The following NTNG1 variants were observed in gnomAD, a reference collection of about 807,000 sequenced individuals.
NTNG1 encodes netrin G1.
NTNG1 carries 16 observed loss-of-function variants against 54.0 expected under a neutral mutation model. The ratio of observed to expected loss-of-function variants is 0.30; its 90% CI spans 0.20 to 0.45. The LOEUF is 0.45. Among genes scored for constraint, NTNG1 ranks in the 20% least tolerant of loss-of-function variants. The pLI, the probability that NTNG1 is intolerant of heterozygous loss-of-function variation, is 1.00. For missense variants in NTNG1, 530 were observed against 678.7 expected, an observed-to-expected ratio of 0.78 and a Z score of 2.43; for synonymous variants, 255 against 263.1, an observed-to-expected ratio of 0.97 and a Z score of 0.30.
At chr1:107,218,070 C>T (rs779428639) in intron 2 of NTNG1, among the ~76,000 whole-genome samples, 1 of 152,040 alleles carries the variant, frequency 6.6e-6, no homozygotes, top group Non-Finnish European at 1.5e-5. Context: ...TATTGTGTTG[C>T]TGTCTGTCTC....
intron 7 of NTNG1, among the ~76,000 whole-genome samples, chr1:107,444,533 C>G (rs934036857): frequency 6.6e-6 from 1 of 152,164 alleles, no homozygotes; most frequent in Non-Finnish European, 1.5e-5. Context: ...CACCCACTGG[C>G]ATTCTGAGGC....
rs1570998291 is a variant in NTNG1, at chr1:107,455,489, C to T, written c.1390+18690C>T. The T allele has an allele frequency of 2.3e-5, 9 of 385,358 alleles. No individual in the cohort carries two copies. In the East Asian group the frequency reaches 3.0e-4, roughly 13 times the overall value. 23.9% of individuals were successfully genotyped at this position (385,358 alleles called of 1,614,324 possible). A position where few individuals can be genotyped will look rare whatever the true frequency, so the allele number is the denominator to read the frequency against. Reference sequence around the variant, plus strand: ...GAAGCAGGAAGGTGCCCATCTTTTCCAAAGCAGCAGGCTTGTTCTTCTTCA... The same window carrying T: ...GAAGCAGGAAGGTGCCCATCTTTTCTAAAGCAGCAGGCTTGTTCTTCTTCA... On this transcript the variant is annotated intron_variant, in intron 7 of 7. Coordinates refer to ENST00000370068, the MANE Select transcript of NTNG1 (RefSeq NM_001113226.3).
chr1:107,280,755 A>AAACCTG (rs1263355351), intron 2 of NTNG1, among the ~76,000 whole-genome samples: 226 of 152,206 alleles, frequency 1.5e-3, no homozygotes, highest in African/African-American at 5.3e-3. Flanking sequence ...AAGCCTCAGG[A>AAACCTG]CCACAAATGC....
At chr1:107,251,999 T>A (rs1198851377) in intron 2 of NTNG1, among the ~76,000 whole-genome samples, 1 of 151,686 alleles carries the variant, frequency 6.6e-6, no homozygotes, top group African/African-American at 2.4e-5. Context: ...TTTACTTCTA[T>A]CCACTTACTA....
intron 3 of NTNG1, among the ~76,000 whole-genome samples, chr1:107,340,890 A>G (rs766596824): frequency 2.6e-5 from 4 of 152,060 alleles, no homozygotes; most frequent in Non-Finnish European, 5.9e-5. Flanking sequence ...CACATTTGCA[A>G]GTTATTTTCA....
intron 3 of NTNG1, among the ~76,000 whole-genome samples, chr1:107,348,711 T>C (rs970306518): frequency 1.3e-5 from 2 of 152,192 alleles, no homozygotes; most frequent in African/African-American, 4.8e-5. Flanking sequence ...GAAAATTTCA[T>C]ATCCAAGTTG....
rs142577947 is a variant in NTNG1 at position 107,361,771 on chromosome 1, C to A, written c.888-33383C>A. On this transcript the variant is annotated intron_variant, in intron 3 of 7. Transcript: ENST00000370068. ...GTCATTTTTGACACTCGGGAAATGA[C>A]TTCTTTATGGAAGAAATGATAAACT... Among the ~76,000 whole-genome samples, 1,047 of 152,234 alleles carry A rather than the reference C, an allele frequency of 6.9e-3. 26 individuals carry two copies. Among genetic ancestry groups the A allele is most frequent in the Admixed American group, 0.049 (744 of 15,276 alleles).
chr1:107,451,613 G>A (rs1676633313), intron 7 of NTNG1, among the ~76,000 whole-genome samples: 1 of 152,112 alleles, frequency 6.6e-6, no homozygotes, highest in African/African-American at 2.4e-5. Context: ...GTTTTGACAT[G>A]AATGTATTAG....
chr1:107,464,812 A>G (rs1677499662), intron 7 of NTNG1, among the ~76,000 whole-genome samples: 1 of 152,182 alleles, frequency 6.6e-6, no homozygotes, highest in Admixed American at 6.5e-5. Flanking sequence ...CTGATACAAG[A>G]AGCTAAATCC....
At chr1:107,229,854 T>C (rs983638893) in intron 2 of NTNG1, among the ~76,000 whole-genome samples, 10 of 152,188 alleles carry the variant, frequency 6.6e-5, no homozygotes, top group African/African-American at 2.2e-4. Flanking sequence ...GAGAGACAGC[T>C]GGAAGAAAAT....
At chr1:107,336,443 C>T (rs1284541499) in intron 3 of NTNG1, among the ~76,000 whole-genome samples, 1 of 151,592 alleles carries the variant, frequency 6.6e-6, no homozygotes, top group Non-Finnish European at 1.5e-5. Flanking sequence ...GAAGTTGGAC[C>T]CTTACCTTAC....
chr1:107,191,016 T>G (rs1324452086), intron 2 of NTNG1, among the ~76,000 whole-genome samples: 1 of 152,220 alleles, frequency 6.6e-6, no homozygotes, highest in Non-Finnish European at 1.5e-5. Context: ...ACTTCCACAA[T>G]GGTTGAACTA....
intron 3 of NTNG1, among the ~76,000 whole-genome samples, chr1:107,381,109 C>T (rs1671617910): frequency 6.6e-6 from 1 of 151,868 alleles, no homozygotes; most frequent in African/African-American, 2.4e-5. Context: ...CAGATAGGAC[C>T]TAAAACTTAT....
chr1:107,155,513 A>G (rs780505369), intron 2 of NTNG1, among the ~76,000 whole-genome samples: 1 of 152,000 alleles, frequency 6.6e-6, no homozygotes, highest in Admixed American at 6.6e-5. Flanking sequence ...TGTGTACTCA[A>G]CTGTACTCCA....
chr1:107,338,192 A>G (rs1294527283), intron 3 of NTNG1, among the ~76,000 whole-genome samples: 2 of 152,030 alleles, frequency 1.3e-5, no homozygotes, highest in Non-Finnish European at 2.9e-5. Flanking sequence ...TTCATGAAAC[A>G]TGAGGGTTGT....
At chr1:107,385,477 T>G (rs944088350) in intron 3 of NTNG1, among the ~76,000 whole-genome samples, 8 of 152,084 alleles carry the variant, frequency 5.3e-5, no homozygotes, top group African/African-American at 1.4e-4. Context: ...CCATGCCTGC[T>G]AATACCCCAT....
chr1:107,243,479 A>G (rs552664814), intron 2 of NTNG1, among the ~76,000 whole-genome samples: 51 of 152,242 alleles, frequency 3.3e-4, no homozygotes, highest in Non-Finnish European at 6.2e-4. Context: ...TGTTCATTCA[A>G]TATTTTGATG....
At chr1:107,271,567 T>A (rs558933045) in intron 2 of NTNG1, among the ~76,000 whole-genome samples, 1 of 152,282 alleles carries the variant, frequency 6.6e-6, no homozygotes, top group Non-Finnish European at 1.5e-5. Context: ...AGAATAAGAA[T>A]CCAAAATAGC....
chr1:107,448,785 G>A (rs931461739), intron 7 of NTNG1, among the ~76,000 whole-genome samples: 10 of 151,882 alleles, frequency 6.6e-5, no homozygotes, highest in African/African-American at 1.7e-4. Flanking sequence ...TGTATTCTAC[G>A]AATCCAAATC....
Sources: allele counts gnomAD v4.1 joint callset (sites outside exome capture counted in the v4.1 genomes callset), GRCh38; gene constraint gnomAD v4.1.1; transcripts MANE v1.5; gene names NCBI Gene and HGNC (gene_info 2026-07-23, HGNC 2026-07-21).